Variants in TEX9 observed in about 807,000 individuals in gnomAD.
The protein encoded by TEX9 is testis expressed 9.
TEX9 carries 74 observed loss-of-function variants against 59.6 expected under a neutral mutation model. That is an observed-to-expected ratio of 1.24 (90% CI 1.03 to 1.51). The LOEUF (loss-of-function observed/expected upper bound fraction) is 1.51. Ranked by LOEUF, TEX9 falls within the 40% of genes most tolerant of loss-of-function variation. The pLI, the probability that TEX9 is intolerant of heterozygous loss-of-function variation, is 0.00. For missense variants in TEX9, 522 were observed against 447.8 expected, an observed-to-expected ratio of 1.17 and a Z score of -1.49; for synonymous variants, 186 against 152.2, an observed-to-expected ratio of 1.22 and a Z score of -1.64.
chr15:56,323,177 C>T (rs1187201931), intron 1 of TEX9: 2 of 217,374 alleles, frequency 9.2e-6, no homozygotes, highest in Non-Finnish European at 9.8e-6. Context: ...TTTGTGCAAA[C>T]TTGTTGGGAG....
At chr15:56,339,397 A>AAAAAAAACAAAC (rs2046325416) in intron 1 of TEX9, among the ~76,000 whole-genome samples, 8 of 61,020 alleles carry the variant, frequency 1.3e-4, no homozygotes, top group Non-Finnish European at 1.9e-4. Context: ...AAAAAAAAAA[A>AAAAAAAACAAAC]AAAAAAAAAA....
At chr15:56,447,830 C>T (rs2050919001), downstream of TEX9, 1 of 152,102 alleles carries the variant, frequency 6.6e-6, no homozygotes, top group Non-Finnish European at 1.5e-5. Context: ...TCGCACTTAT[C>T]CTGAGGCAAG....
intron 12 of TEX9, chr15:56,431,407 T>C (rs1337512634): frequency 6.2e-7 from 1 of 1,613,386 alleles, no homozygotes; most frequent in Non-Finnish European, 8.5e-7. Flanking sequence ...TGTAGCATGC[T>C]CTTTAAGAAG....
chr15:56,365,319 G>C (rs2046882340), upstream of TEX9: 3 of 1,268,586 alleles, frequency 2.4e-6, no homozygotes, highest in African/African-American at 1.5e-5. Context: ...CGCTGCCAGA[G>C]GCTCGCGCCG....
chr15:56,267,859 A>G (rs887993243), intron 1 of TEX9, among the ~76,000 whole-genome samples: 3 of 152,052 alleles, frequency 2.0e-5, no homozygotes, highest in South Asian at 2.1e-4. Flanking sequence ...TTCCAATTCT[A>G]TGAAGAAAGT....
intron 1 of TEX9, among the ~76,000 whole-genome samples, chr15:56,347,027 A>G (rs1314824178): frequency 6.6e-6 from 1 of 152,204 alleles, no homozygotes; most frequent in East Asian, 1.9e-4. Flanking sequence ...TTAACCAAAT[A>G]TGCGTAGGAC....
chr15:56,326,039 G>T (rs1205516820), intron 1 of TEX9, among the ~76,000 whole-genome samples: 1 of 152,154 alleles, frequency 6.6e-6, no homozygotes, highest in African/African-American at 2.4e-5. Context: ...ATAGTTTGAT[G>T]AGATAAACTC....
chr15:56,375,291 T>C (rs2047384633), intron 3 of TEX9, among the ~76,000 whole-genome samples: 1 of 152,226 alleles, frequency 6.6e-6, no homozygotes, highest in South Asian at 2.1e-4. Context: ...TTTCATGTGT[T>C]TTTTGGCCGC....
At chr15:56,439,106 G>C (rs992604519) in intron 12 of TEX9, among the ~76,000 whole-genome samples, 1 of 152,050 alleles carries the variant, frequency 6.6e-6, no homozygotes, top group East Asian at 1.9e-4. Context: ...TGAGATACAA[G>C]ATAAACACAA....
exon 9 of TEX9, chr15:56,394,692 TAAA>T: frequency 2.5e-6 from 4 of 1,605,814 alleles, no homozygotes; most frequent in Non-Finnish European, 3.4e-6. Flanking sequence ...AAGTCTCAAG[TAAA>T]AAATTTTGAA....
At chr15:56,365,894 G>A in intron 2 of TEX9, 6 of 1,376,902 alleles carry the variant, frequency 4.4e-6, no homozygotes, top group South Asian at 1.6e-5. Context: ...TTTAGCCCAA[G>A]TAAGCATGTT....
chr15:56,414,783 G>T (rs1257939051), intron 10 of TEX9, among the ~76,000 whole-genome samples: 1 of 151,756 alleles, frequency 6.6e-6, no homozygotes, highest in African/African-American at 2.4e-5. Flanking sequence ...GGGTCCAATG[G>T]TAGTTCTGCT....
chr15:56,447,180 C>G (rs2050911929), downstream of TEX9: 2 of 355,426 alleles, frequency 5.6e-6, no homozygotes, highest in Non-Finnish European at 1.0e-5. Context: ...GTTTGCTTAT[C>G]CTGTGTCAAT....
chr15:56,410,481 A>T (rs146067298), intron 9 of TEX9, among the ~76,000 whole-genome samples: 5 of 152,146 alleles, frequency 3.3e-5, no homozygotes, highest in Admixed American at 3.3e-4. Context: ...TTTAAAAAAA[A>T]ACTAATGTGC....
intron 1 of TEX9, among the ~76,000 whole-genome samples, chr15:56,288,539 T>G (rs1232099695): frequency 6.6e-6 from 1 of 152,134 alleles, no homozygotes; most frequent in Admixed American, 6.5e-5. Context: ...TTTTTTCCCT[T>G]CAGCACTTTG....
chr15:56,259,184 C>A (rs2044210510), intron 1 of TEX9, among the ~76,000 whole-genome samples: 1 of 151,892 alleles, frequency 6.6e-6, no homozygotes, highest in African/African-American at 2.4e-5. Flanking sequence ...ATGTGACCTG[C>A]CATTTGTTTT....
chr15:56,445,656 G>A (rs1443162056), intron 12 of TEX9: 1 of 151,212 alleles, frequency 6.6e-6, no homozygotes, highest in Non-Finnish European at 1.5e-5. Flanking sequence ...CGAAAACAAT[G>A]TTCTCATTTT....
intron 1 of TEX9, among the ~76,000 whole-genome samples, chr15:56,289,727 C>T (rs1448883379): frequency 6.6e-6 from 1 of 152,090 alleles, no homozygotes; most frequent in Non-Finnish European, 1.5e-5. Flanking sequence ...TGAGTGACCC[C>T]TATGGAGTGG....
chr15:56,310,569 AGC>A (rs2045588092), intron 1 of TEX9, among the ~76,000 whole-genome samples: 1 of 152,236 alleles, frequency 6.6e-6, no homozygotes, highest in Non-Finnish European at 1.5e-5. Flanking sequence ...CTTTGTCAAC[AGC>A]GCATCCTACT....
Sources: gnomAD v4.1 joint callset for allele counts (sites outside exome capture counted in the v4.1 genomes callset) on GRCh38, gnomAD v4.1.1 for gene constraint, MANE v1.5 for transcripts, NCBI Gene and HGNC (gene_info 2026-07-23, HGNC 2026-07-21) for gene names.